The following SCARB1 variants were observed in gnomAD, a reference collection of about 807,000 sequenced individuals.
The protein encoded by SCARB1 is CD36 and LIMPII analogous 1.
In SCARB1, 30 loss-of-function variants were observed where a neutral mutation model predicts 57.2. That is an observed-to-expected ratio of 0.52 (90% confidence interval 0.39 to 0.71). SCARB1 has a LOEUF of 0.71. SCARB1 is among the 30% of genes least tolerant of loss of function. The probability of loss-of-function intolerance (pLI) is 0.00; values close to 1 mark genes in which losing one functional copy is unlikely to be tolerated. For missense variants in SCARB1, 543 were observed against 671.2 expected (o/e 0.81, Z 2.11); for synonymous variants, 249 against 268.3 (o/e 0.93, Z 0.70).
chr12:124,819,576 G>A (rs990953663), intron 1 of SCARB1, among the ~76,000 whole-genome samples: 15 of 152,038 alleles, frequency 9.9e-5, no homozygotes, highest in Admixed American at 6.5e-5. Flanking sequence ...CAACCCAGCC[G>A]GGACATATCT....
intron 1 of SCARB1, among the ~76,000 whole-genome samples, chr12:124,842,719 G>C (rs1050184171): frequency 1.3e-5 from 2 of 152,214 alleles, no homozygotes; most frequent in Non-Finnish European, 2.9e-5. Context: ...CAATGTCCTA[G>C]AGGTGTGCCC....
chr12:124,856,915 C>T lies in SCARB1; in HGVS notation c.126+6680G>A, dbSNP rs192172331. On this transcript the variant is annotated intron_variant, in intron 1 of 12. Transcript: ENST00000261693. Reference sequence around the variant, plus strand: ...AACATGTCCCTGGTCTCAGACTACCCCCGGAAGGGAGAGGCCAGGGTGCAC... The same window carrying T: ...AACATGTCCCTGGTCTCAGACTACCTCCGGAAGGGAGAGGCCAGGGTGCAC... 2.1e-3 allele frequency among the ~76,000 whole-genome samples: 317 copies of T among 152,310 alleles called. 1 individual carries two copies. Among genetic ancestry groups the T allele is most frequent in the Middle Eastern group, 3.4e-3 (1 of 294 alleles).
At chr12:124,801,211 A>AT (rs1038362945) in intron 7 of SCARB1, among the ~76,000 whole-genome samples, 20 of 150,058 alleles carry the variant, frequency 1.3e-4, no homozygotes, top group African/African-American at 2.5e-4. Flanking sequence ...AAGAAAAACA[A>AT]TTTTTTTTTA....
At chr12:124,779,081 G>A (rs976350622) in intron 12 of SCARB1, among the ~76,000 whole-genome samples, 1 of 152,162 alleles carries the variant, frequency 6.6e-6, no homozygotes, top group African/African-American at 2.4e-5. Context: ...CTCCCAAGTG[G>A]CCGGGACAAT....
chr12:124,819,890 ATC>A (rs1950881376), intron 1 of SCARB1, among the ~76,000 whole-genome samples: 3 of 152,212 alleles, frequency 2.0e-5, no homozygotes, highest in Admixed American at 2.0e-4. Flanking sequence ...CAAGTTTCTC[ATC>A]TGTACGAAGG....
chr12:124,796,778 C>T lies in SCARB1; in HGVS notation c.1129-1510G>A, dbSNP rs756528129. Among the ~76,000 whole-genome samples the T allele has an allele frequency of 9.2e-5, 14 of 152,296 alleles. No individual in the cohort carries two copies. The highest frequency in any genetic ancestry group is 2.1e-4 in the South Asian group (1 of 4,824). ...TCATTAAAGGCCTCACTTACGCCCA[C>T]GACTGGGGAGTGCTTGCCCTCGAGA... On this transcript the variant is annotated intron_variant, in intron 8 of 12. Transcript: ENST00000261693. The surrounding 1 kb of genome is among the most constrained non-coding windows in gnomAD (Gnocchi z 4.0).
chr12:124,824,293 G>GGCCA (rs1951056865), intron 1 of SCARB1, among the ~76,000 whole-genome samples: 1 of 152,054 alleles, frequency 6.6e-6, no homozygotes, highest in South Asian at 2.1e-4. Flanking sequence ...CCAGTCAAAA[G>GGCCA]GCCACACTTA....
chr12:124,862,812 GTCCGT>G (rs1952953714), intron 1 of SCARB1, among the ~76,000 whole-genome samples: 1 of 152,200 alleles, frequency 6.6e-6, no homozygotes, highest in Admixed American at 6.5e-5. Flanking sequence ...GGCAGAGTCT[GTCCGT>G]CTGCAGACCA....
At chr12:124,816,292 C>G (rs1950713864) in intron 2 of SCARB1, among the ~76,000 whole-genome samples, 1 of 152,172 alleles carries the variant, frequency 6.6e-6, no homozygotes, top group Non-Finnish European at 1.5e-5. Context: ...GAGGCAGGGC[C>G]TTGGTCTGCC....
chr12:124,785,623 C>T lies in SCARB1; in HGVS notation c.1401+734G>A, dbSNP rs564227997. 6.5e-4 allele frequency: 106 copies of T among 162,842 alleles called. 4 individuals carry two copies. In the South Asian group the frequency reaches 0.018, roughly 28 times the overall value. 10.1% of individuals were successfully genotyped at this position (162,842 alleles called of 1,614,324 possible). A position where few individuals can be genotyped will look rare whatever the true frequency, so the allele number is the denominator to read the frequency against. On this transcript the variant is annotated intron_variant, in intron 11 of 12. Transcript: ENST00000261693. ...GCATTCAGTTGGTGAGCCCTTGAAA[C>T]GGGGCCAGTCCAAAATGAGACCTGC...
intron 11 of SCARB1, 145 bp downstream of exon 11, chr12:124,786,212 C>A (rs1046624984): frequency 6.3e-7 from 1 of 1,597,322 alleles, no homozygotes; most frequent in Admixed American, 1.7e-5. Context: ...CAGCAGTGAC[C>A]GCTCCCACTC....
At chr12:124,791,055 C>T (rs544863268) in intron 9 of SCARB1, among the ~76,000 whole-genome samples, 6 of 152,176 alleles carry the variant, frequency 3.9e-5, no homozygotes, top group African/African-American at 1.4e-4. Flanking sequence ...ACATGACCAG[C>T]CCCTAGTAAA....
chr12:124,778,559 C>T lies in SCARB1; in HGVS notation c.*28G>A. Reference sequence around the variant, plus strand: ...GGCCGGTCAGGCCCAGCGGCCAGGCCTGGCTGGCTCACGGTGTCCTCAGGA... The same window carrying T: ...GGCCGGTCAGGCCCAGCGGCCAGGCTTGGCTGGCTCACGGTGTCCTCAGGA... On this transcript the variant is annotated 3_prime_UTR_variant, in exon 13 of 13. Transcript: ENST00000261693. 1 of 1,392,710 alleles carries T rather than the reference C, an allele frequency of 7.2e-7. No individual in the cohort carries two copies. Among genetic ancestry groups the T allele is most frequent in the Non-Finnish European group, 9.3e-7 (1 of 1,072,816 alleles). 86.3% of individuals were successfully genotyped at this position (1,392,710 alleles called of 1,614,324 possible). A position where few individuals can be genotyped will look rare whatever the true frequency, so the allele number is the denominator to read the frequency against.
intron 7 of SCARB1, among the ~76,000 whole-genome samples, chr12:124,806,386 C>T (rs1016676920): frequency 6.6e-5 from 10 of 152,176 alleles, no homozygotes; most frequent in African/African-American, 2.4e-4. Context: ...AATTGAGACA[C>T]ACCAACAATG....
chr12:124,801,294 G>C (rs971722374), intron 7 of SCARB1, among the ~76,000 whole-genome samples: 1 of 152,206 alleles, frequency 6.6e-6, no homozygotes, highest in Admixed American at 6.5e-5. Context: ...GGCTGGGGGA[G>C]GGGGCGGGGA....
intron 1 of SCARB1, among the ~76,000 whole-genome samples, chr12:124,847,853 C>T (rs1952227014): frequency 6.6e-6 from 1 of 152,208 alleles, no homozygotes; most frequent in Non-Finnish European, 1.5e-5. Flanking sequence ...ATCTGATTCA[C>T]ACAATGAGGC....
Position 124,799,022 on chromosome 12 carries a change from AAC to A in SCARB1, c.1128+1100_1128+1101del, listed in dbSNP as rs537212271. Among the ~76,000 whole-genome samples the A allele has an allele frequency of 1.1e-4, 17 of 152,324 alleles. No individual in the cohort carries two copies. In the South Asian group the frequency reaches 3.5e-3, roughly 32 times the overall value. On this transcript the variant is annotated intron_variant, in intron 8 of 12. Transcript: ENST00000261693. Reference sequence around the variant, plus strand: ...GTCACTGTATTGTACTATACAATACAACACAGTGACTAGAGTGAATAGCAATG... The same window carrying A: ...GTCACTGTATTGTACTATACAATACAACAGTGACTAGAGTGAATAGCAATG...
chr12:124,852,658 C>G lies in SCARB1; in HGVS notation c.126+10937G>C, dbSNP rs532888090. ...CAGCCATGAACGAGACAGATAAAGT[C>G]TCTGTCCTCATGGAACTCACACAAG... On this transcript the variant is annotated intron_variant, in intron 1 of 12. Coordinates refer to ENST00000261693, the MANE Select transcript of SCARB1 (RefSeq NM_005505.5). Among the ~76,000 whole-genome samples the G allele has an allele frequency of 2.0e-5, 3 of 152,378 alleles. No individual in the cohort carries two copies. The South Asian group carries it at 6.2e-4, about 32-fold the overall frequency.
chr12:124,799,017 A>T (rs1399804705), intron 8 of SCARB1, among the ~76,000 whole-genome samples: 1 of 152,180 alleles, frequency 6.6e-6, no homozygotes, highest in Non-Finnish European at 1.5e-5. Flanking sequence ...TGTACTATAC[A>T]ATACAACACA....
Sources: allele counts gnomAD v4.1 joint callset (sites outside exome capture counted in the v4.1 genomes callset), GRCh38; gene constraint gnomAD v4.1.1; non-coding constraint Gnocchi (gnomAD v3.1); transcripts MANE v1.5; gene names NCBI Gene and HGNC (gene_info 2026-07-23, HGNC 2026-07-21).